Variants in GALNT13 observed in about 807,000 individuals in gnomAD.
GALNT13 encodes the protein polypeptide N-acetylgalactosaminyltransferase 13, also known as UDP-GalNAc:polypeptide N-acetylgalactosaminyltransferase 13.
A neutral mutation model predicts 64.2 loss-of-function variants in GALNT13; 28 were observed. That is an observed-to-expected ratio of 0.44 (90% CI 0.32 to 0.60). The LOEUF (loss-of-function observed/expected upper bound fraction) is 0.60, where lower values mean the gene tolerates loss of function less well. Among genes scored for constraint, GALNT13 ranks in the 20% least tolerant of loss-of-function variants. GALNT13 has a pLI of 0.05. For missense variants in GALNT13, 577 were observed against 669.8 expected, an observed-to-expected ratio of 0.86 and a Z score of 1.53; for synonymous variants, 214 against 224.6, an observed-to-expected ratio of 0.95 and a Z score of 0.42.
chr2:153,429,724 A>C, the GALNT13 span, among the ~76,000 whole-genome samples: 1 of 152,160 alleles, frequency 6.6e-6, no homozygotes, highest in Admixed American at 6.5e-5. Context: ...AAATTTATTT[A>C]CCTTATATTA....
At chr2:153,186,376 C>A in the GALNT13 span, among the ~76,000 whole-genome samples, 3 of 152,080 alleles carry the variant, frequency 2.0e-5, no homozygotes, top group African/African-American at 7.2e-5. Context: ...CTCTTGATGA[C>A]AGCATAGCAA....
At chr2:153,649,666 C>T in the GALNT13 span, among the ~76,000 whole-genome samples, 1 of 152,120 alleles carries the variant, frequency 6.6e-6, no homozygotes, top group Non-Finnish European at 1.5e-5. Context: ...TATGTTGTGC[C>T]TTTGTTCTCA....
At chr2:153,322,689 C>A in the GALNT13 span, among the ~76,000 whole-genome samples, 1 of 152,064 alleles carries the variant, frequency 6.6e-6, no homozygotes, top group Non-Finnish European at 1.5e-5. Context: ...TTGTGATGTT[C>A]TCCTCCCTGT....
At chr2:154,095,975 A>G (rs1702053813) in intron 3 of GALNT13, among the ~76,000 whole-genome samples, 1 of 152,038 alleles carries the variant, frequency 6.6e-6, no homozygotes, top group African/African-American at 2.4e-5. Context: ...TCTTATTAGC[A>G]AAGTGCTAGA....
intron 8 of GALNT13, among the ~76,000 whole-genome samples, chr2:154,285,418 G>C (rs973192205): frequency 8.6e-5 from 13 of 152,032 alleles, no homozygotes; most frequent in Admixed American, 5.9e-4. Flanking sequence ...AAATAGTACA[G>C]TTTTATTCTT....
At chr2:154,090,168 T>C (rs115432519) in intron 3 of GALNT13, among the ~76,000 whole-genome samples, 2 of 152,106 alleles carry the variant, frequency 1.3e-5, no homozygotes, top group Non-Finnish European at 2.9e-5. Flanking sequence ...GTGATAACTT[T>C]AGTGTGGAAT....
At chr2:153,248,764 G>A in the GALNT13 span, among the ~76,000 whole-genome samples, 2 of 148,182 alleles carry the variant, frequency 1.3e-5, no homozygotes, top group South Asian at 2.1e-4. Context: ...TGCAGTGAGC[G>A]GAGATCGAGC....
chr2:153,779,586 C>T, the GALNT13 span, among the ~76,000 whole-genome samples: 1 of 152,056 alleles, frequency 6.6e-6, no homozygotes, highest in South Asian at 2.1e-4. Context: ...TTTATTATTT[C>T]ATATTCTTAT....
the GALNT13 span, among the ~76,000 whole-genome samples, chr2:153,708,661 A>C: frequency 6.6e-6 from 1 of 152,162 alleles, no homozygotes; most frequent in Non-Finnish European, 1.5e-5. Context: ...AGATTTATCT[A>C]TTTGTATTTA....
At chr2:153,958,814 AAG>A (rs1413828715) in intron 3 of GALNT13, among the ~76,000 whole-genome samples, 1 of 152,220 alleles carries the variant, frequency 6.6e-6, no homozygotes, top group African/African-American at 2.4e-5. Flanking sequence ...ATGGCTGTGG[AAG>A]AGAGAAAGGA....
chr2:154,288,764 G>C (rs2105955681), intron 8 of GALNT13, among the ~76,000 whole-genome samples: 1 of 152,316 alleles, frequency 6.6e-6, no homozygotes, highest in East Asian at 1.9e-4. Flanking sequence ...GTCTTGCGCA[G>C]CTCCACCATT....
intron 4 of GALNT13, among the ~76,000 whole-genome samples, chr2:154,163,735 C>T (rs187293971): frequency 7.2e-5 from 11 of 152,144 alleles, no homozygotes; most frequent in Admixed American, 4.6e-4. Flanking sequence ...AAGTTAATAA[C>T]AATGGGAAGT....
rs112702705 is a variant in GALNT13, at chr2:154,182,742, C to T, written c.311+42237C>T. 1.7e-3 allele frequency among the ~76,000 whole-genome samples: 262 copies of T among 150,524 alleles called. 2 individuals are homozygous for T. Among genetic ancestry groups the T allele is most frequent in the African/African-American group, 6.1e-3 (251 of 41,102 alleles). ...ATATTTATTGACATTGGTGTTGACC[C>T]CTTTTTAAAATAAGAGTAGGCCTGG... On this transcript the variant is annotated intron_variant, in intron 4 of 12. Transcript: ENST00000392825.
At chr2:153,409,094 C>G in the GALNT13 span, among the ~76,000 whole-genome samples, 1 of 152,008 alleles carries the variant, frequency 6.6e-6, no homozygotes. Context: ...ACTAGGGGCC[C>G]TTGGGCTTTT....
the GALNT13 span, among the ~76,000 whole-genome samples, chr2:153,102,192 TTC>T: frequency 6.6e-6 from 1 of 152,054 alleles, no homozygotes; most frequent in African/African-American, 2.4e-5. Context: ...GTCTCCCTCT[TTC>T]TCTCTCTATC....
Position 154,214,625 on chromosome 2 carries a change from G to T in GALNT13, c.312-27405G>T, listed in dbSNP as rs575115276. On this transcript the variant is annotated intron_variant, in intron 4 of 12. Coordinates refer to ENST00000392825, the MANE Select transcript of GALNT13 (RefSeq NM_052917.4). ...GAGTGAGTTCTCATGAGATCTGATG[G>T]TTTTATAAGGCTCTTCCCCCTTCAC... 9.2e-5 allele frequency among the ~76,000 whole-genome samples: 14 copies of T among 152,046 alleles called. 1 individual carries two copies. The highest frequency in any genetic ancestry group is 1.9e-4 in the East Asian group (1 of 5,170).
chr2:153,747,498 G>C, the GALNT13 span, among the ~76,000 whole-genome samples: 1 of 145,396 alleles, frequency 6.9e-6, no homozygotes, highest in African/African-American at 2.7e-5. Flanking sequence ...AGCAATCTTG[G>C]GTCGCTGCAA....
chr2:153,079,528 G>A, the GALNT13 span, among the ~76,000 whole-genome samples: 2 of 152,152 alleles, frequency 1.3e-5, no homozygotes, highest in Non-Finnish European at 2.9e-5. Context: ...CACTGAATCA[G>A]TTTGACAAGG....
At chr2:153,125,673 A>G in the GALNT13 span, among the ~76,000 whole-genome samples, 1 of 152,222 alleles carries the variant, frequency 6.6e-6, no homozygotes, top group South Asian at 2.1e-4. Context: ...ATAAGCATTA[A>G]TGTAATTATG....
Sources: gnomAD v4.1 joint callset for allele counts (sites outside exome capture counted in the v4.1 genomes callset) on GRCh38, gnomAD v4.1.1 for gene constraint, MANE v1.5 for transcripts, NCBI Gene and HGNC (gene_info 2026-07-23, HGNC 2026-07-21) for gene names.